The following TIAM1 variants were observed in gnomAD, a reference collection of about 807,000 sequenced individuals.
TIAM1 encodes the protein rho guanine nucleotide exchange factor TIAM1.
TIAM1 carries 65 observed loss-of-function variants against 163.5 expected under a neutral mutation model. The ratio of observed to expected loss-of-function variants is 0.40; its 90% CI spans 0.33 to 0.49. The LOEUF (loss-of-function observed/expected upper bound fraction) is 0.49. Ranked by LOEUF, TIAM1 falls within the 20% of genes least tolerant of loss-of-function variation. TIAM1 has a pLI of 0.77. For missense variants in TIAM1, 1,789 were observed against 2,044.7 expected, an observed-to-expected ratio of 0.87 and a Z score of 2.41; for synonymous variants, 833 against 810.1, an observed-to-expected ratio of 1.03 and a Z score of -0.48.
chr21:31,278,822 C>T (rs2073417712), intron 2 of TIAM1, among the ~76,000 whole-genome samples: 1 of 152,152 alleles, frequency 6.6e-6, no homozygotes, highest in Admixed American at 6.5e-5. Flanking sequence ...TTTCCCTGGG[C>T]ATCCTCCTTA....
intron 2 of TIAM1, among the ~76,000 whole-genome samples, chr21:31,280,216 C>A (rs1472684200): frequency 1.3e-5 from 2 of 152,178 alleles, no homozygotes; most frequent in African/African-American, 4.8e-5. Context: ...ATTGTAACTC[C>A]CACATTCCCA....
chr21:31,278,449 G>A (rs1305837295), intron 2 of TIAM1, among the ~76,000 whole-genome samples: 1 of 152,162 alleles, frequency 6.6e-6, no homozygotes, highest in African/African-American at 2.4e-5. Context: ...AGGCCTGAAG[G>A]GCCTCTTTGG....
At chr21:31,161,557 C>T (rs2083923538) in intron 16 of TIAM1, among the ~76,000 whole-genome samples, 1 of 152,186 alleles carries the variant, frequency 6.6e-6, no homozygotes, top group African/African-American at 2.4e-5. Context: ...GCAAAAACTG[C>T]TATTCAGTAC....
At chr21:31,237,698 C>T (rs1289980741) in intron 6 of TIAM1, among the ~76,000 whole-genome samples, 1 of 152,142 alleles carries the variant, frequency 6.6e-6, no homozygotes, top group Non-Finnish European at 1.5e-5. Context: ...TTTCTATACC[C>T]CTTTAGATAT....
chr21:31,147,770 TTAATA>T (rs891761608), intron 19 of TIAM1, among the ~76,000 whole-genome samples: 7 of 140,462 alleles, frequency 5.0e-5, no homozygotes, highest in African/African-American at 1.3e-4. Context: ...ATATATTATA[TTAATA>T]TATTATATTA....
intron 9 of TIAM1, among the ~76,000 whole-genome samples, chr21:31,216,912 A>G (rs1379861079): frequency 6.6e-6 from 1 of 152,196 alleles, no homozygotes; most frequent in Non-Finnish European, 1.5e-5. Flanking sequence ...AGGCAGCTTA[A>G]AAAGTCTCTG....
At chr21:31,401,078 G>GAATA (rs769594819) in intron 2 of TIAM1, among the ~76,000 whole-genome samples, 10 of 151,952 alleles carry the variant, frequency 6.6e-5, no homozygotes, top group South Asian at 4.2e-4. Context: ...ATAAATAAAT[G>GAATA]AATAAATAAA....
intron 2 of TIAM1, among the ~76,000 whole-genome samples, chr21:31,394,708 G>GCTCTCTCTCTCT (rs954246497): frequency 6.1e-4 from 64 of 105,262 alleles, no homozygotes; most frequent in Middle Eastern, 4.6e-3. Flanking sequence ...TCTCTCTCTC[G>GCTCTCTCTCTCT]CTCTCTCTCT....
chr21:31,183,365 G>T (rs1198648348), intron 14 of TIAM1, among the ~76,000 whole-genome samples: 6 of 152,166 alleles, frequency 3.9e-5, no homozygotes. Flanking sequence ...CCAAGGTGCA[G>T]TTCAAACTCG....
rs74724162 is a variant in TIAM1 at position 31,184,316 on chromosome 21, G to A, written c.2663-1671C>T. Among the ~76,000 whole-genome samples the A allele has an allele frequency of 7.9e-5, 12 of 152,278 alleles. No homozygotes were observed. In the East Asian group the frequency reaches 2.1e-3, roughly 27 times the overall value. On this transcript the variant is annotated intron_variant, in intron 14 of 27. Coordinates refer to ENST00000541036, the MANE Select transcript of TIAM1 (RefSeq NM_001353694.2). Reference sequence around the variant, plus strand: ...AGACAGGGTTTCACCATGTTAGCCAGGCTGGTCTGGAACTCCTCACCTCAG... The same window carrying A: ...AGACAGGGTTTCACCATGTTAGCCAAGCTGGTCTGGAACTCCTCACCTCAG...
rs1555985550 is a variant in TIAM1, at chr21:31,451,712, T to TGTGTGTGC, written c.-369+12270_-369+12271insGCACACAC. On this transcript the variant is annotated intron_variant, in intron 2 of 28. Coordinates refer to the TIAM1 transcript ENST00000286827. ...AGGCACCAGGCTGAGTGAAAGCATG[T>TGTGTGTGC]GTGTGCGTGTGTGTGTGTGTGTGTG... Among the ~76,000 whole-genome samples, 4 of 39,436 alleles carry TGTGTGTGC rather than the reference T, an allele frequency of 1.0e-4. No homozygotes were observed. In the South Asian group the frequency reaches 4.2e-3, roughly 41 times the overall value. 25.9% of individuals were successfully genotyped at this position (39,436 alleles called of 152,430 possible).
chr21:31,323,115 C>T (rs968388615), intron 2 of TIAM1, among the ~76,000 whole-genome samples: 1 of 151,750 alleles, frequency 6.6e-6, no homozygotes, highest in Non-Finnish European at 1.5e-5. Context: ...TGGTGAAACC[C>T]TGTCTCTACT....
intron 1 of TIAM1, among the ~76,000 whole-genome samples, chr21:31,499,051 C>G (rs1406617443): frequency 6.6e-6 from 1 of 151,810 alleles, no homozygotes; most frequent in East Asian, 1.9e-4. Context: ...GTCCTTTTCC[C>G]CCAGAACATT....
chr21:31,493,285 C>G (rs1466636289), intron 1 of TIAM1, among the ~76,000 whole-genome samples: 1 of 152,120 alleles, frequency 6.6e-6, no homozygotes, highest in Non-Finnish European at 1.5e-5. Flanking sequence ...TAATTAGGAG[C>G]AGGGAGGAGT....
At chr21:31,456,307 C>A (rs926519761) in intron 2 of TIAM1, among the ~76,000 whole-genome samples, 1 of 152,226 alleles carries the variant, frequency 6.6e-6, no homozygotes, top group African/African-American at 2.4e-5. Context: ...CTCCTATCAG[C>A]TCTGCAGGGA....
intron 4 of TIAM1, among the ~76,000 whole-genome samples, chr21:31,264,308 C>T (rs1278836731): frequency 6.6e-6 from 1 of 152,150 alleles, no homozygotes; most frequent in African/African-American, 2.4e-5. Context: ...CCAGTGTCTA[C>T]TGTTTCCACC....
chr21:31,455,324 G>C (rs1481112934), intron 2 of TIAM1, among the ~76,000 whole-genome samples: 1 of 147,168 alleles, frequency 6.8e-6, no homozygotes, highest in Non-Finnish European at 1.5e-5. Flanking sequence ...AGGCTAGAAA[G>C]TAAGGAAGTA....
chr21:31,153,304 T>C lies in TIAM1; in HGVS notation c.3172-170A>G, dbSNP rs200753933. Among the ~76,000 whole-genome samples, 11 of 152,330 alleles carry C rather than the reference T, an allele frequency of 7.2e-5. No homozygotes were observed. In the East Asian group the frequency reaches 2.1e-3, roughly 29 times the overall value. On this transcript the variant is annotated intron_variant, in intron 17 of 27. Transcript: ENST00000541036. ...CTTTAGGTCGTTAAGGTCCATTTCA[T>C]GCAGGAGTAAGCCAACCTTTTCTGT...
chr21:31,529,422 TTCCAAGCATAAGATTTCAGA>T (rs2047903893), intron 1 of TIAM1, among the ~76,000 whole-genome samples: 1 of 151,994 alleles, frequency 6.6e-6, no homozygotes, highest in East Asian at 1.9e-4. Context: ...TAATTTTGAG[TTCCAAGCATAAGATTTCAGA>T]AACGAGGAGT....
Sources: gnomAD v4.1 joint callset for allele counts (sites outside exome capture counted in the v4.1 genomes callset) on GRCh38, gnomAD v4.1.1 for gene constraint, MANE v1.5 for transcripts, NCBI Gene and HGNC (gene_info 2026-07-23, HGNC 2026-07-21) for gene names.